Variants in LRP5 observed in about 807,000 individuals in gnomAD.
The protein encoded by LRP5 is LDL receptor related protein 5.
LRP5 carries 62 observed loss-of-function variants against 154.1 expected under a neutral mutation model. The ratio of observed to expected loss-of-function variants is 0.40; its 90% CI spans 0.33 to 0.50. LRP5 has a LOEUF of 0.50. LRP5 is among the 20% of genes least tolerant of loss of function. The pLI is 0.55. For synonymous variants in LRP5, 966 were observed against 1,011.5 expected (o/e 0.96, Z 0.85); for missense variants, 1,915 against 2,336.7 (o/e 0.82, Z 3.72).
intron 3 of LRP5, among the ~76,000 whole-genome samples, 159 bp downstream of exon 3, chr11:68,358,006 G>A (rs1030558268): frequency 3.3e-5 from 5 of 152,196 alleles, no homozygotes. Context: ...CAGGGTCTGT[G>A]TGGCATTTGC....
chr11:68,311,420 C>A (rs907039849), upstream of LRP5, among the ~76,000 whole-genome samples: 4 of 152,196 alleles, frequency 2.6e-5, no homozygotes, highest in African/African-American at 9.6e-5. Context: ...GCCCTCCCAC[C>A]GGACGGCTGC....
At chr11:68,306,320 G>C in the LRP5 span, among the ~76,000 whole-genome samples, 3 of 152,132 alleles carry the variant, frequency 2.0e-5, no homozygotes, top group Non-Finnish European at 4.4e-5. Context: ...ATTTTTAGTA[G>C]AGATGGGATT....
chr11:68,414,997 A>G (rs2098661715), intron 12 of LRP5, among the ~76,000 whole-genome samples: 1 of 152,340 alleles, frequency 6.6e-6, no homozygotes, highest in South Asian at 2.1e-4. Flanking sequence ...GCCATGACTC[A>G]GAGTCCCCGT....
intron 1 of LRP5, among the ~76,000 whole-genome samples, chr11:68,344,251 C>G (rs1352084275): frequency 6.6e-6 from 1 of 152,206 alleles, no homozygotes; most frequent in Non-Finnish European, 1.5e-5. Flanking sequence ...GTGACCATCT[C>G]CTTTTGTGAG....
At chr11:68,358,366 G>A (rs368042147) in intron 3 of LRP5, among the ~76,000 whole-genome samples, 2 of 152,130 alleles carry the variant, frequency 1.3e-5, no homozygotes, top group Non-Finnish European at 2.9e-5. Flanking sequence ...CCTTCCCCTC[G>A]GCTCCCAGAG....
intron 1 of LRP5, among the ~76,000 whole-genome samples, chr11:68,321,394 C>T (rs372790731): frequency 6.6e-6 from 1 of 152,188 alleles, no homozygotes; most frequent in African/African-American, 2.4e-5. Flanking sequence ...TGGTGAACTT[C>T]AGAGCCGTCC....
In LRP5 at chr11:68,436,941, C is replaced by T; in HGVS notation, c.4053C>T (p.Ile1351=). Residue 1351 remains isoleucine, a synonymous_variant, in exon 19 of 23, where the codon ATC becomes ATT. Transcript: ENST00000294304. Reference sequence around the variant, plus strand: ...GTGCGAGCGGCCAGTGTGTCCTCATCAAACAGCAGTGCGACTCCTTCCCCG... The same window carrying T: ...GTGCGAGCGGCCAGTGTGTCCTCATTAAACAGCAGTGCGACTCCTTCCCCG... The part of the protein sequence containing the change: ...FRCASGQCVL[I]KQQCDSFPDC... 1 of 1,613,964 alleles carries T rather than the reference C, an allele frequency of 6.2e-7. No homozygotes were observed. Among genetic ancestry groups the T allele is most frequent in the Non-Finnish European group, 8.5e-7 (1 of 1,179,988 alleles).
In LRP5 at chr11:68,344,016, T is replaced by TG. The variant is rs1262855145; in HGVS notation, c.92-3829dup. On this transcript the variant is annotated intron_variant, in intron 1 of 22. Coordinates refer to ENST00000294304, the MANE Select transcript of LRP5 (RefSeq NM_002335.4). ...GCAGGTGAAATGCAGACCTCTCAGC[T>TG]GGTGTTCCAGAGCAGCTGCCTTCCC... Among the ~76,000 whole-genome samples the TG allele has an allele frequency of 1.3e-4, 20 of 152,176 alleles. No individual in the cohort carries two copies. In the East Asian group the frequency reaches 3.9e-3, roughly 30 times the overall value.
intron 5 of LRP5, among the ~76,000 whole-genome samples, chr11:68,369,599 CCT>C (rs1565351537): frequency 6.6e-6 from 1 of 152,048 alleles, no homozygotes; most frequent in African/African-American, 2.4e-5. Context: ...ATGGTGAAAC[CCT>C]GTCTCTACTA....
chr11:68,331,219 C>T (rs1315615836), intron 1 of LRP5, among the ~76,000 whole-genome samples: 1 of 152,212 alleles, frequency 6.6e-6, no homozygotes, highest in East Asian at 1.9e-4. Context: ...GGAGTTGTGC[C>T]TAAGCTGATA....
intron 1 of LRP5, among the ~76,000 whole-genome samples, chr11:68,328,512 G>T (rs1375766441): frequency 3.3e-5 from 5 of 152,198 alleles, no homozygotes; most frequent in African/African-American, 1.2e-4. Context: ...GGAAACGGCC[G>T]CTTCCCTCTG....
upstream of LRP5, among the ~76,000 whole-genome samples, chr11:68,310,399 C>G (rs2098587022): frequency 6.6e-6 from 1 of 152,202 alleles, no homozygotes; most frequent in Non-Finnish European, 1.5e-5. Context: ...GCAGGTGGAT[C>G]ATCTGAGGCC....
chr11:68,342,002 G>T (rs896809797), intron 1 of LRP5, among the ~76,000 whole-genome samples: 4 of 151,928 alleles, frequency 2.6e-5, no homozygotes, highest in Admixed American at 2.6e-4. Context: ...GCCCCTCCTG[G>T]TGCCTGGGCT....
chr11:68,413,336 T>A lies in LRP5; in HGVS notation c.2504-353T>A. On this transcript the variant is annotated intron_variant, in intron 11 of 22. Transcript: ENST00000294304. This position sits in a 1 kb window ranked among gnomAD's most constrained non-coding sequence, Gnocchi z 5.1. ...TTTTGGACTTAAACGCTCCGGATGT[T>A]TACTGAGTGCTTGATTAATAACATG... 2.3e-6 allele frequency: 1 copy of A among 429,714 alleles called. No individual in the cohort carries two copies. The highest frequency in any genetic ancestry group is 2.4e-5 in the South Asian group (1 of 40,846). The allele number at this position is 429,714 out of a possible 1,614,324, so 26.6% of individuals were successfully genotyped here.
At chr11:68,358,982 C>A (rs1214605452) in intron 3 of LRP5, among the ~76,000 whole-genome samples, 1 of 152,214 alleles carries the variant, frequency 6.6e-6, no homozygotes, top group Non-Finnish European at 1.5e-5. Flanking sequence ...GGCTGGATTT[C>A]TGCAAACACA....
At chr11:68,368,646 G>A (rs2153142149) in intron 5 of LRP5, among the ~76,000 whole-genome samples, 1 of 152,240 alleles carries the variant, frequency 6.6e-6, no homozygotes, top group African/African-American at 2.4e-5. Flanking sequence ...TTACTCTCTT[G>A]GTGTGTCTGT....
intron 21 of LRP5, 178 bp downstream of exon 21, chr11:68,440,094 T>C (rs2098677374): frequency 1.6e-6 from 1 of 625,724 alleles, no homozygotes; most frequent in African/African-American, 1.8e-5. Context: ...CATTGTTGAT[T>C]GTGGATAATC....
In LRP5 at chr11:68,337,577, C is replaced by G. The variant is rs1449947592; in HGVS notation, c.92-10270C>G. ...GTCTACCCACAGCCAGGTCTACCCACAGTCAGCCCTTCCTCTTCTTAGAAG... is the reference window on the plus strand; with the variant it reads ...GTCTACCCACAGCCAGGTCTACCCAGAGTCAGCCCTTCCTCTTCTTAGAAG... On this transcript the variant is annotated intron_variant, in intron 1 of 22. Transcript: ENST00000294304. 2.0e-5 allele frequency among the ~76,000 whole-genome samples: 3 copies of G among 151,870 alleles called. No individual in the cohort carries two copies. The East Asian group carries it at 5.8e-4, about 29-fold the overall frequency.
At chr11:68,373,069 G>C (rs1429764391) in intron 5 of LRP5, among the ~76,000 whole-genome samples, 1 of 152,144 alleles carries the variant, frequency 6.6e-6, no homozygotes, top group African/African-American at 2.4e-5. Flanking sequence ...GGCAGGTTGT[G>C]GGGGGCGGCG....
Sources: gnomAD v4.1 joint callset for allele counts (sites outside exome capture counted in the v4.1 genomes callset) on GRCh38, gnomAD v4.1.1 for gene constraint, Gnocchi (gnomAD v3.1) non-coding constraint, MANE v1.5 for transcripts, NCBI Gene and HGNC (gene_info 2026-07-23, HGNC 2026-07-21) for gene names.